Variants in NTRK2 observed in about 807,000 individuals in gnomAD.
NTRK2 encodes the protein BDNF/NT-3 growth factors receptor.
Under a neutral mutation model 94.5 loss-of-function variants are expected in NTRK2, and 13 were observed. The observed-to-expected ratio is 0.14, with a 90% CI of 0.09 to 0.22. The LOEUF is 0.22. Ranked by LOEUF, NTRK2 falls within the 10% of genes least tolerant of loss-of-function variation. NTRK2 has a pLI of 1.00. For missense variants in NTRK2, 639 were observed against 1,071.2 expected, an observed-to-expected ratio of 0.60 and a Z score of 5.63; for synonymous variants, 372 against 407.4, an observed-to-expected ratio of 0.91 and a Z score of 1.05.
intron 10 of NTRK2, among the ~76,000 whole-genome samples, chr9:84,742,792 T>TTG (rs2063754511): frequency 5.3e-5 from 1 of 18,834 alleles, no homozygotes. Context: ...TATATTAGTT[T>TTG]TTTTTTTTTT....
intron 17 of NTRK2, among the ~76,000 whole-genome samples, chr9:84,960,017 G>T (rs1336816658): frequency 6.6e-6 from 1 of 152,224 alleles, no homozygotes; most frequent in East Asian, 1.9e-4. Flanking sequence ...TTATGTTGGA[G>T]TGGTAAGAAA....
chr9:84,777,089 A>G (rs552480648), intron 12 of NTRK2, among the ~76,000 whole-genome samples: 1 of 152,296 alleles, frequency 6.6e-6, no homozygotes, highest in African/African-American at 2.4e-5. Context: ...GGTTGTTTCT[A>G]TCAGAAACTT....
At chr9:84,683,836 G>A (rs542903864) in intron 2 of NTRK2, among the ~76,000 whole-genome samples, 1 of 152,196 alleles carries the variant, frequency 6.6e-6, no homozygotes, top group East Asian at 1.9e-4. Context: ...TTTCTCCACA[G>A]CCTTGCCAGC....
At chr9:84,923,655 G>A (rs888258587) in intron 14 of NTRK2, among the ~76,000 whole-genome samples, 6 of 152,146 alleles carry the variant, frequency 3.9e-5, no homozygotes, top group Non-Finnish European at 8.8e-5. Context: ...GGTGGCTCAT[G>A]CCTGTAATTC....
At chr9:84,995,152 G>A (rs1172621781) in intron 17 of NTRK2, among the ~76,000 whole-genome samples, 1 of 152,166 alleles carries the variant, frequency 6.6e-6, no homozygotes, top group Admixed American at 6.5e-5. Context: ...TAAGAGAAAT[G>A]CAGTCCCTAG....
At chr9:84,690,724 A>T (rs930655960) in intron 2 of NTRK2, among the ~76,000 whole-genome samples, 9 of 152,036 alleles carry the variant, frequency 5.9e-5, no homozygotes, top group African/African-American at 1.7e-4. Context: ...ATCTCAAAAA[A>T]AAAAATAAAA....
intron 14 of NTRK2, chr9:84,875,182 G>A: frequency 9.4e-7 from 1 of 1,058,340 alleles, no homozygotes; most frequent in Non-Finnish European, 1.1e-6. Context: ...TGTTTGTACT[G>A]GACTCTGTTA....
intron 15 of NTRK2, among the ~76,000 whole-genome samples, chr9:84,936,348 A>C (rs907502070): frequency 6.6e-6 from 1 of 152,222 alleles, no homozygotes; most frequent in Non-Finnish European, 1.5e-5. Flanking sequence ...CATATGCTCA[A>C]ATAGGACTTC....
chr9:84,720,017 CAAAAAAAAAA>C (rs57132074), intron 6 of NTRK2, among the ~76,000 whole-genome samples: 5 of 87,754 alleles, frequency 5.7e-5, no homozygotes, highest in African/African-American at 9.0e-5. Context: ...AAGACTATCT[CAAAAAAAAAA>C]AAAAAAAAAA....
intron 12 of NTRK2, among the ~76,000 whole-genome samples, chr9:84,800,063 G>C (rs2070206801): frequency 6.6e-6 from 1 of 152,192 alleles, no homozygotes; most frequent in African/African-American, 2.4e-5. Flanking sequence ...TTTAGCTGCT[G>C]CCGGAAGATG....
At chr9:84,782,973 C>A (rs2067746942) in intron 12 of NTRK2, among the ~76,000 whole-genome samples, 2 of 152,068 alleles carry the variant, frequency 1.3e-5, no homozygotes, top group South Asian at 4.2e-4. Context: ...GTGTAATATA[C>A]AATACTTCTC....
At chr9:84,965,913 CTAGA>C (rs1825501996) in intron 17 of NTRK2, among the ~76,000 whole-genome samples, 1 of 152,164 alleles carries the variant, frequency 6.6e-6, no homozygotes, top group Non-Finnish European at 1.5e-5. Flanking sequence ...GTATGAGAGA[CTAGA>C]AAACTCCAAG....
intron 2 of NTRK2, among the ~76,000 whole-genome samples, chr9:84,690,579 G>A (rs1227925573): frequency 2.0e-5 from 3 of 151,822 alleles, no homozygotes; most frequent in African/African-American, 4.8e-5. Flanking sequence ...CATGGTGGCC[G>A]GTGGTGGCAG....
At chr9:84,725,573 C>T (rs2062388018) in intron 8 of NTRK2, among the ~76,000 whole-genome samples, 1 of 150,774 alleles carries the variant, frequency 6.6e-6, no homozygotes, top group South Asian at 2.1e-4. Context: ...GTTCATAGCA[C>T]AGGTCTACAA....
intron 15 of NTRK2, among the ~76,000 whole-genome samples, chr9:84,945,952 G>A (rs1029959114): frequency 5.3e-5 from 8 of 152,168 alleles, no homozygotes; most frequent in African/African-American, 1.9e-4. Context: ...GCTCAGATCT[G>A]CTCCCTGGGG....
intron 12 of NTRK2, among the ~76,000 whole-genome samples, chr9:84,847,846 G>T (rs182570044): frequency 6.6e-6 from 1 of 152,174 alleles, no homozygotes. Context: ...GGTTGGCAGT[G>T]AAAACAATAG....
At chr9:84,903,070 C>A (rs930986115) in intron 14 of NTRK2, among the ~76,000 whole-genome samples, 1 of 152,082 alleles carries the variant, frequency 6.6e-6, no homozygotes, top group South Asian at 2.1e-4. Flanking sequence ...CTGTACTGCT[C>A]GTTTGAAAAT....
chr9:84,686,261 G>A (rs934036968), intron 2 of NTRK2, among the ~76,000 whole-genome samples: 40 of 152,330 alleles, frequency 2.6e-4, no homozygotes, highest in African/African-American at 8.9e-4. Flanking sequence ...TGATGAGGCA[G>A]GCTGATTACA....
At chr9:84,986,578 T>A (rs1328551151) in intron 17 of NTRK2, among the ~76,000 whole-genome samples, 4 of 152,146 alleles carry the variant, frequency 2.6e-5, no homozygotes, top group African/African-American at 9.7e-5. Flanking sequence ...GCCTGGGAGT[T>A]GGGGATCCCT....
Sources: allele counts gnomAD v4.1 joint callset (sites outside exome capture counted in the v4.1 genomes callset), GRCh38; gene constraint gnomAD v4.1.1; transcripts MANE v1.5; gene names NCBI Gene and HGNC (gene_info 2026-07-23, HGNC 2026-07-21).